Variants in MACROD2 observed in about 807,000 individuals in gnomAD.
The protein encoded by MACROD2 is mono-ADP ribosylhydrolase 2, also known as ADP-ribose glycohydrolase MACROD2.
MACROD2 carries 36 observed loss-of-function variants against 70.4 expected under a neutral mutation model. The ratio of observed to expected loss-of-function variants is 0.51; its 90% confidence interval spans 0.39 to 0.68. The LOEUF (loss-of-function observed/expected upper bound fraction) is 0.68. MACROD2 is among the 30% of genes least tolerant of loss of function. The pLI, the probability that MACROD2 is intolerant of heterozygous loss-of-function variation, is 0.00. For synonymous variants in MACROD2, 172 were observed against 178.8 expected (o/e 0.96, Z 0.30); for missense variants, 496 against 538.4 (o/e 0.92, Z 0.78).
intron 5 of MACROD2, among the ~76,000 whole-genome samples, chr20:14,974,779 G>A (rs887607560): frequency 6.6e-6 from 1 of 152,078 alleles, no homozygotes; most frequent in African/African-American, 2.4e-5. Context: ...TCCTGTTGAC[G>A]TAGTCTGTAT....
At chr20:15,284,629 T>A (rs2077475415) in intron 6 of MACROD2, among the ~76,000 whole-genome samples, 1 of 152,212 alleles carries the variant, frequency 6.6e-6, no homozygotes, top group South Asian at 2.1e-4. Flanking sequence ...ATTACCTGTC[T>A]AGGGATTATC....
chr20:14,330,645 C>T (rs749286552), intron 3 of MACROD2, among the ~76,000 whole-genome samples: 23 of 152,020 alleles, frequency 1.5e-4, no homozygotes, highest in African/African-American at 4.1e-4. Context: ...TTATTATTTA[C>T]GCAACTTGAA....
chr20:14,629,240 G>A (rs528716301), intron 4 of MACROD2, among the ~76,000 whole-genome samples: 2 of 152,018 alleles, frequency 1.3e-5, no homozygotes, highest in Non-Finnish European at 2.9e-5. Context: ...GGATGTAATT[G>A]GTTCCAGGTT....
chr20:15,516,676 T>A (rs76663391), intron 8 of MACROD2, among the ~76,000 whole-genome samples: 1,653 of 152,270 alleles, frequency 0.011, 30 homozygotes, highest in African/African-American at 0.037. Context: ...CAAATGCCTG[T>A]CTTACCACAA....
intron 2 of MACROD2, among the ~76,000 whole-genome samples, chr20:14,014,010 T>A (rs1192197613): frequency 6.6e-6 from 1 of 152,206 alleles, no homozygotes; most frequent in Non-Finnish European, 1.5e-5. Flanking sequence ...TAAACATGAC[T>A]TTGTGTTGAC....
rs143545012 is a variant in MACROD2, at chr20:15,726,068, C to G, written c.646-136677C>G. On this transcript the variant is annotated intron_variant, in intron 8 of 17. Transcript: ENST00000684519. Reference sequence around the variant, plus strand: ...CTACCCAATAGGTGGTTTTTTGAATCGCTCTCTTCTCTCACTCTCCACCCT... The same window carrying G: ...CTACCCAATAGGTGGTTTTTTGAATGGCTCTCTTCTCTCACTCTCCACCCT... 5.0e-4 allele frequency among the ~76,000 whole-genome samples: 76 copies of G among 152,058 alleles called. No homozygotes were observed. In the East Asian group the frequency reaches 6.8e-3, roughly 14 times the overall value.
chr20:15,155,844 A>T (rs2076303168), intron 5 of MACROD2, among the ~76,000 whole-genome samples: 1 of 116,766 alleles, frequency 8.6e-6, no homozygotes, highest in South Asian at 2.7e-4. Context: ...CATTTAGAAC[A>T]TGAGGAATAG....
intron 9 of MACROD2, among the ~76,000 whole-genome samples, chr20:15,881,133 A>G (rs1004889767): frequency 2.6e-5 from 4 of 152,088 alleles, no homozygotes; most frequent in African/African-American, 9.7e-5. Flanking sequence ...AGCTCAAGAA[A>G]TGGTTATTTG....
chr20:14,376,884 A>C (rs1392280706), intron 3 of MACROD2, among the ~76,000 whole-genome samples: 2 of 151,878 alleles, frequency 1.3e-5, no homozygotes, highest in African/African-American at 4.8e-5. Context: ...AAAGTTACCT[A>C]ACCTCCCTGA....
chr20:15,097,894 G>T (rs1431411185), intron 5 of MACROD2, among the ~76,000 whole-genome samples: 1 of 152,200 alleles, frequency 6.6e-6, no homozygotes. Flanking sequence ...AGGAGAATAT[G>T]AATTATGAAA....
intron 6 of MACROD2, among the ~76,000 whole-genome samples, chr20:15,346,453 AG>A: frequency 6.6e-6 from 1 of 152,286 alleles, no homozygotes; most frequent in Non-Finnish European, 1.5e-5. Context: ...TATTCTCAAA[AG>A]TATACAGTGA....
chr20:16,044,329 C>T (rs1257397188), intron 16 of MACROD2, among the ~76,000 whole-genome samples: 4 of 152,030 alleles, frequency 2.6e-5, no homozygotes, highest in Admixed American at 2.6e-4. Context: ...TCACCAGGCC[C>T]CACCTCCAAC....
chr20:15,004,289 T>A (rs1464284506), intron 5 of MACROD2, among the ~76,000 whole-genome samples: 1 of 152,190 alleles, frequency 6.6e-6, no homozygotes. Flanking sequence ...ATTGTATAAA[T>A]ATATCCCCTC....
At chr20:16,023,473 C>CAA (rs60347463) in intron 15 of MACROD2, among the ~76,000 whole-genome samples, 3,133 of 70,874 alleles carry the variant, frequency 0.044, 173 homozygotes, top group African/African-American at 0.065. Context: ...GACTCCATCT[C>CAA]AAAAAAAAAA....
intron 5 of MACROD2, 86 bp downstream of exon 5, chr20:14,685,045 A>C (rs1271607306): frequency 9.7e-7 from 1 of 1,033,150 alleles, no homozygotes; most frequent in African/African-American, 1.6e-5. Flanking sequence ...AGGAAATGGC[A>C]GTGGTGGTAT....
At chr20:16,001,421 T>C (rs2066707220) in intron 15 of MACROD2, among the ~76,000 whole-genome samples, 1 of 152,200 alleles carries the variant, frequency 6.6e-6, no homozygotes, top group South Asian at 2.1e-4. Context: ...GGGGTTTGGA[T>C]TGATTGTATG....
At chr20:14,579,997 C>T (rs991436429) in intron 4 of MACROD2, among the ~76,000 whole-genome samples, 6 of 151,996 alleles carry the variant, frequency 3.9e-5, no homozygotes, top group South Asian at 2.1e-4. Flanking sequence ...TGTAAAAAGA[C>T]GGAATGTTTC....
At chr20:15,245,142 CATTT>C (rs1270438002) in intron 6 of MACROD2, among the ~76,000 whole-genome samples, 1 of 152,182 alleles carries the variant, frequency 6.6e-6, no homozygotes, top group Non-Finnish European at 1.5e-5. Flanking sequence ...TTCATGCCTT[CATTT>C]ATTTTACACA....
At position 15,576,960 on chromosome 20, in the gene MACROD2, G is replaced by A. The variant is rs542564414; in HGVS notation, c.645+77113G>A. ...TTGGAAAACTGTTCCTATGATTTCG[G>A]TGGTATTCTGCCTTCTCCATCTGAA... is the stretch of plus-strand genomic sequence containing the variant. On this transcript the variant is annotated intron_variant, in intron 8 of 17. Transcript: ENST00000684519. Among the ~76,000 whole-genome samples the A allele has an allele frequency of 2.1e-4, 32 of 152,182 alleles. 1 individual carries two copies. Among genetic ancestry groups the A allele is most frequent in the African/African-American group, 7.5e-4 (31 of 41,516 alleles).
Sources: allele counts gnomAD v4.1 joint callset (sites outside exome capture counted in the v4.1 genomes callset), GRCh38; gene constraint gnomAD v4.1.1; transcripts MANE v1.5; gene names NCBI Gene and HGNC (gene_info 2026-07-23, HGNC 2026-07-21).